Variants in SLC24A3 observed in about 807,000 individuals in gnomAD.
SLC24A3 encodes sodium/potassium/calcium exchanger 3.
In SLC24A3, 28 loss-of-function variants were observed where a neutral mutation model predicts 75.8. The observed-to-expected ratio is 0.37, with a 90% confidence interval of 0.27 to 0.51. SLC24A3 has a LOEUF of 0.51. Ranked by LOEUF, SLC24A3 falls within the 20% of genes least tolerant of loss-of-function variation. The pLI is 0.94. For missense variants in SLC24A3, 663 were observed against 847.8 expected, an observed-to-expected ratio of 0.78 and a Z score of 2.71; for synonymous variants, 372 against 334.1, an observed-to-expected ratio of 1.11 and a Z score of -1.24.
At chr20:19,482,030 T>C (rs1011294559) in intron 2 of SLC24A3, among the ~76,000 whole-genome samples, 3 of 152,162 alleles carry the variant, frequency 2.0e-5, no homozygotes, top group African/African-American at 7.2e-5. Context: ...CACTTCTTCC[T>C]CTCACCTGGA....
chr20:19,296,266 G>GGCTT (rs1984057436), intron 2 of SLC24A3, among the ~76,000 whole-genome samples: 1 of 59,794 alleles, frequency 1.7e-5, no homozygotes, highest in Admixed American at 1.5e-4. Flanking sequence ...CTAGCTAGTG[G>GGCTT]TCTTTTTTTT....
At chr20:19,365,443 A>G (rs993819866) in intron 2 of SLC24A3, among the ~76,000 whole-genome samples, 1 of 152,128 alleles carries the variant, frequency 6.6e-6, no homozygotes, top group Non-Finnish European at 1.5e-5. Context: ...TGGGGATTCC[A>G]CTGTGGGGCG....
intron 6 of SLC24A3, among the ~76,000 whole-genome samples, chr20:19,609,011 C>T (rs148680463): frequency 6.6e-6 from 1 of 152,068 alleles, no homozygotes; most frequent in African/African-American, 2.4e-5. Flanking sequence ...CTCCATCCCA[C>T]GTACAAAGGC....
chr20:19,354,935 AG>A, intron 2 of SLC24A3, among the ~76,000 whole-genome samples: 1 of 152,106 alleles, frequency 6.6e-6, no homozygotes, highest in East Asian at 1.9e-4. Context: ...GGCAGCAGCA[AG>A]GTACAGAAAC....
intron 2 of SLC24A3, among the ~76,000 whole-genome samples, chr20:19,288,808 G>A (rs1269062219): frequency 1.3e-5 from 2 of 152,190 alleles, no homozygotes; most frequent in Admixed American, 1.3e-4. Flanking sequence ...AGAGCCCTTG[G>A]CCACAGGGGG....
chr20:19,500,315 G>A (rs529873942), intron 2 of SLC24A3, among the ~76,000 whole-genome samples: 1 of 152,298 alleles, frequency 6.6e-6, no homozygotes, highest in East Asian at 1.9e-4. Flanking sequence ...AAGCTATTAG[G>A]CAGGGTCTCC....
At chr20:19,293,084 T>G (rs1260094311) in intron 2 of SLC24A3, among the ~76,000 whole-genome samples, 1 of 152,138 alleles carries the variant, frequency 6.6e-6, no homozygotes, top group African/African-American at 2.4e-5. Flanking sequence ...ATGAAGACCA[T>G]AGCACCCTTG....
chr20:19,269,454 A>G (rs909076317), intron 1 of SLC24A3, among the ~76,000 whole-genome samples: 8 of 152,256 alleles, frequency 5.3e-5, no homozygotes, highest in African/African-American at 1.9e-4. Context: ...CCCAAGAGTG[A>G]TAACAAGTAG....
intron 2 of SLC24A3, among the ~76,000 whole-genome samples, chr20:19,293,953 G>T (rs757715133): frequency 1.3e-5 from 2 of 152,084 alleles, no homozygotes; most frequent in Non-Finnish European, 2.9e-5. Flanking sequence ...GAATGCATGG[G>T]TCCTCAAGTC....
intron 3 of SLC24A3, among the ~76,000 whole-genome samples, 197 bp downstream of exon 3, chr20:19,515,761 C>G (rs1467415856): frequency 6.6e-6 from 1 of 152,196 alleles, no homozygotes; most frequent in Non-Finnish European, 1.5e-5. Context: ...GTGGAGCCAT[C>G]TGTTATGCAC....
At chr20:19,599,931 C>T (rs912521981) in intron 6 of SLC24A3, among the ~76,000 whole-genome samples, 3 of 152,122 alleles carry the variant, frequency 2.0e-5, no homozygotes, top group East Asian at 1.9e-4. Flanking sequence ...CTATGACCCG[C>T]GGAGTCAAAG....
chr20:19,476,782 C>T (rs1987968742), intron 2 of SLC24A3, among the ~76,000 whole-genome samples: 1 of 152,234 alleles, frequency 6.6e-6, no homozygotes, highest in East Asian at 1.9e-4. Context: ...CCAGGCAGGG[C>T]TCCTCTCCCA....
intron 6 of SLC24A3, among the ~76,000 whole-genome samples, chr20:19,607,253 C>T (rs1244649937): frequency 6.6e-6 from 1 of 152,114 alleles, no homozygotes; most frequent in Non-Finnish European, 1.5e-5. Context: ...ATGCTTTCTT[C>T]CTCCTGAAAC....
intron 1 of SLC24A3, among the ~76,000 whole-genome samples, chr20:19,230,635 TGGATGGGTATAGAAAGACATATTGATG>T (rs1981993877): frequency 1.2e-5 from 1 of 82,988 alleles, no homozygotes; most frequent in Non-Finnish European, 2.8e-5. Context: ...TGGGGGGGAA[TGGATGGGTATAGAAAGACATATTGATG>T]GGGGGGGTGC....
At chr20:19,214,146 A>G (rs1981487723) in intron 1 of SLC24A3, among the ~76,000 whole-genome samples, 1 of 152,166 alleles carries the variant, frequency 6.6e-6, no homozygotes, top group African/African-American at 2.4e-5. Flanking sequence ...GAAGTGAAAC[A>G]GGCGTCAGTC....
At chr20:19,345,647 C>G (rs1241180275) in intron 2 of SLC24A3, among the ~76,000 whole-genome samples, 1 of 152,034 alleles carries the variant, frequency 6.6e-6, no homozygotes, top group African/African-American at 2.4e-5. Context: ...AGACATTTCT[C>G]AAAAGAAGAT....
chr20:19,579,069 G>A (rs1346803742), intron 3 of SLC24A3, among the ~76,000 whole-genome samples: 1 of 152,118 alleles, frequency 6.6e-6, no homozygotes, highest in Non-Finnish European at 1.5e-5. Flanking sequence ...TGAAACAATG[G>A]CCACAGCTAA....
chr20:19,684,950 T>A (rs1435103810), intron 11 of SLC24A3, 150 bp from the exon 12 acceptor site: 12 of 895,418 alleles, frequency 1.3e-5, no homozygotes, highest in Non-Finnish European at 1.8e-5. Context: ...GAGTTGGTTA[T>A]CACATTGAGA....
intron 2 of SLC24A3, among the ~76,000 whole-genome samples, chr20:19,468,701 G>T (rs1157314455): frequency 6.6e-6 from 1 of 152,208 alleles, no homozygotes; most frequent in African/African-American, 2.4e-5. Context: ...TTAGGCTGAG[G>T]TCAGCTAGCT....
Sources: allele counts gnomAD v4.1 joint callset (sites outside exome capture counted in the v4.1 genomes callset), GRCh38; gene constraint gnomAD v4.1.1; transcripts MANE v1.5; gene names NCBI Gene and HGNC (gene_info 2026-07-23, HGNC 2026-07-21).